Variants in PPARGC1B observed in about 807,000 individuals in gnomAD.
PPARGC1B encodes PPARG coactivator 1 beta.
PPARGC1B carries 34 observed loss-of-function variants against 101.6 expected under a neutral mutation model. The observed-to-expected ratio is 0.33, with a 90% CI of 0.25 to 0.45. PPARGC1B has a LOEUF of 0.45. PPARGC1B is among the 20% of genes least tolerant of loss of function. PPARGC1B has a pLI of 1.00. For missense variants in PPARGC1B, 1,234 were observed against 1,317.6 expected (o/e 0.94, Z 0.98); for synonymous variants, 548 against 539.3 (o/e 1.02, Z -0.22).
intron 1 of PPARGC1B, among the ~76,000 whole-genome samples, chr5:149,812,733 C>T (rs1349276200): frequency 6.6e-6 from 1 of 152,224 alleles, no homozygotes; most frequent in Non-Finnish European, 1.5e-5. Context: ...CCAGCGCAGC[C>T]CCCTTGTCCA....
At chr5:149,836,197 AG>A in intron 7 of PPARGC1B, 65 bp from the exon 8 acceptor site, 2 of 1,363,558 alleles carry the variant, frequency 1.5e-6, no homozygotes, top group Non-Finnish European at 2.0e-6. Flanking sequence ...CCCCAAACTT[AG>A]GGTCTTAGTG....
chr5:149,762,817 C>T (rs532525989), intron 1 of PPARGC1B, among the ~76,000 whole-genome samples: 14 of 152,202 alleles, frequency 9.2e-5, no homozygotes, highest in East Asian at 1.9e-4. Context: ...AGATGGGTCT[C>T]GCTCTGTTGC....
chr5:149,780,850 C>T (rs894439383), intron 1 of PPARGC1B, among the ~76,000 whole-genome samples: 8 of 152,104 alleles, frequency 5.3e-5, no homozygotes, highest in Non-Finnish European at 8.8e-5. Flanking sequence ...AACATTGGCA[C>T]GGGAGAGGCG....
intron 1 of PPARGC1B, among the ~76,000 whole-genome samples, chr5:149,804,043 A>T (rs1334253299): frequency 6.6e-6 from 1 of 152,162 alleles, no homozygotes; most frequent in South Asian, 2.1e-4. Context: ...GTTTCTCATC[A>T]TCTGACCCAC....
At position 149,840,116 on chromosome 5, in the gene PPARGC1B, T is replaced by A. The variant is rs1561630206; in HGVS notation, c.2694T>A (p.Ile898=). 1 of 1,611,234 alleles carries A rather than the reference T, an allele frequency of 6.2e-7. No individual in the cohort carries two copies. The highest frequency in any genetic ancestry group is 8.5e-7 in the Non-Finnish European group (1 of 1,178,548). Residue 898 remains isoleucine, a splice_region_variant and synonymous_variant, in exon 9 of 12, where the codon ATT becomes ATA. Transcript: ENST00000309241. ...CCAGGAAGCGGCGGGAAAAGGCCAT[T>A]GTAAGTGATCTGGGGGCCCAGAGCC... is the stretch of plus-strand genomic sequence containing the variant. ...RHARKRREKA[I]GEGRVVYIQN... is the part of the protein sequence containing the mutation.
At chr5:149,838,941 G>C (rs1759222045) in intron 8 of PPARGC1B, among the ~76,000 whole-genome samples, 1 of 152,222 alleles carries the variant, frequency 6.6e-6, no homozygotes, top group Non-Finnish European at 1.5e-5. Flanking sequence ...GGCACTCTCA[G>C]CTCTTCAGGT....
intron 1 of PPARGC1B, chr5:149,771,851 C>G: frequency 2.2e-6 from 1 of 453,122 alleles, no homozygotes; most frequent in South Asian, 3.3e-5. Context: ...TTTCAGGTGT[C>G]CAGGAAGTAA....
At chr5:149,760,963 T>A (rs1001109384) in intron 1 of PPARGC1B, among the ~76,000 whole-genome samples, 1 of 152,200 alleles carries the variant, frequency 6.6e-6, no homozygotes, top group South Asian at 2.1e-4. Context: ...GCTCTAGTTA[T>A]TAAAGCAGCG....
At position 149,834,705 on chromosome 5, in the gene PPARGC1B, A is replaced by C; in HGVS notation, c.1737A>C (p.Ser579=). 1 of 1,613,062 alleles carries C rather than the reference A, an allele frequency of 6.2e-7. No homozygotes were observed. The highest frequency in any genetic ancestry group is 8.5e-7 in the Non-Finnish European group (1 of 1,179,050). Residue 579 remains serine (S), a synonymous_variant, in exon 6 of 12, where the codon TCA becomes TCC. Transcript: ENST00000309241. ...DSPRCLMLAL[S]QSDPTFGKKS... ...CCAGGTGCCTCATGCTGGCCTTGTC[A>C]CAAAGGTAGATTTTTAGAAATTATT...
chr5:149,811,954 ATCT>A (rs1253813974), intron 1 of PPARGC1B, among the ~76,000 whole-genome samples: 3 of 152,172 alleles, frequency 2.0e-5, no homozygotes, highest in Non-Finnish European at 4.4e-5. Context: ...ACTGGACCCC[ATCT>A]TCTTCTCTGG....
intron 1 of PPARGC1B, among the ~76,000 whole-genome samples, chr5:149,799,687 G>GTTTTTTTTTTTTTTTT (rs1561553708): frequency 4.7e-5 from 4 of 85,430 alleles, no homozygotes; most frequent in African/African-American, 1.7e-4. Flanking sequence ...TTGTTTGCTT[G>GTTTTTTTTTTTTTTTT]TTGTTGTTTT....
intron 4 of PPARGC1B, among the ~76,000 whole-genome samples, chr5:149,831,476 G>GA (rs1758781629): frequency 6.6e-6 from 1 of 152,200 alleles, no homozygotes; most frequent in South Asian, 2.1e-4. Flanking sequence ...CTCAGAGGCA[G>GA]AATCGGGACC....
In PPARGC1B at chr5:149,736,013, A is replaced by G. The variant is rs1447941991; in HGVS notation, c.78+5593A>G. Among the ~76,000 whole-genome samples, 5 of 152,134 alleles carry G rather than the reference A, an allele frequency of 3.3e-5. No individual in the cohort carries two copies. The East Asian group carries it at 9.6e-4, about 29-fold the overall frequency. On this transcript the variant is annotated intron_variant, in intron 1 of 11. Transcript: ENST00000309241. ...GTGGTGTGTGCCTGTAATCCCAGCT[A>G]CTCAGGAGGCTGAGGCCAGAGAATT...
chr5:149,837,171 C>T lies in PPARGC1B; in HGVS notation c.2618+98C>T, dbSNP rs1405695165. On this transcript the variant is annotated intron_variant, in intron 8 of 11. Transcript: ENST00000309241. The surrounding 1 kb of genome is among the most constrained non-coding windows in gnomAD (Gnocchi z 4.2). ...GGAGGGAGGATCCCTGGGAAGCTTG[C>T]TCTGAAACTGAGGCTGCATCTCCCA... is the stretch of plus-strand genomic sequence containing the variant. 6.7e-7 allele frequency: 1 copy of T among 1,494,738 alleles called. No individual in the cohort carries two copies. Among genetic ancestry groups the T allele is most frequent in the African/African-American group, 1.4e-5 (1 of 71,282 alleles). 92.6% of individuals were successfully genotyped at this position (1,494,738 alleles called of 1,614,324 possible). A position where few individuals can be genotyped will look rare whatever the true frequency, so the allele number is the denominator to read the frequency against.
At chr5:149,749,641 G>T (rs1755215685) in intron 1 of PPARGC1B, among the ~76,000 whole-genome samples, 1 of 152,102 alleles carries the variant, frequency 6.6e-6, no homozygotes, top group South Asian at 2.1e-4. Flanking sequence ...TAGGGAAGAG[G>T]AAAATCTTGT....
intron 11 of PPARGC1B, 195 bp downstream of exon 11, chr5:149,846,109 C>T: frequency 7.7e-6 from 5 of 646,944 alleles, no homozygotes; most frequent in Non-Finnish European, 1.4e-5. Flanking sequence ...GCCTCTGGTC[C>T]ACCTTATCCT....
intron 1 of PPARGC1B, among the ~76,000 whole-genome samples, chr5:149,777,490 G>A (rs924195644): frequency 1.3e-5 from 2 of 152,100 alleles, no homozygotes; most frequent in African/African-American, 2.4e-5. Context: ...ATCAGGAGTG[G>A]GAGGGGGCCT....
intron 1 of PPARGC1B, among the ~76,000 whole-genome samples, chr5:149,789,548 T>G (rs1244739283): frequency 6.6e-6 from 1 of 152,240 alleles, no homozygotes; most frequent in African/African-American, 2.4e-5. Context: ...TTTTGTGTGT[T>G]AGGCACTGTT....
Position 149,836,663 on chromosome 5 carries a change from C to T in PPARGC1B, c.2208C>T (p.Gly736=). The change falls in exon 8 of 12, where the codon GGC becomes GGT. Residue 736 remains glycine, a synonymous_variant. Coordinates refer to ENST00000309241, the MANE Select transcript of PPARGC1B (RefSeq NM_133263.4). The stretch of plus-strand genomic sequence containing the variant: ...CTTGGGCTGAGGCACAGGCCCCTGG[C>T]AGGGAGGAAGACAGAAGCTGTGATG... The part of the protein sequence containing the change: ...GAPWAEAQAP[G]REEDRSCDAG... 1 of 1,613,786 alleles carries T rather than the reference C, an allele frequency of 6.2e-7. No homozygotes were observed. Among genetic ancestry groups the T allele is most frequent in the Non-Finnish European group, 8.5e-7 (1 of 1,180,018 alleles).
Sources: allele counts gnomAD v4.1 joint callset (sites outside exome capture counted in the v4.1 genomes callset), GRCh38; gene constraint gnomAD v4.1.1; non-coding constraint Gnocchi (gnomAD v3.1); transcripts MANE v1.5; gene names NCBI Gene and HGNC (gene_info 2026-07-23, HGNC 2026-07-21).